Variants in LRP6 observed in about 807,000 individuals in gnomAD.
LRP6 encodes low-density lipoprotein receptor-related protein 6.
A neutral mutation model predicts 184.1 loss-of-function variants in LRP6; 43 were observed. The ratio of observed to expected loss-of-function variants is 0.23; its 90% CI spans 0.18 to 0.30. The LOEUF (loss-of-function observed/expected upper bound fraction) is 0.30. Ranked by LOEUF, LRP6 falls within the 10% of genes least tolerant of loss-of-function variation. LRP6 has a pLI of 1.00. For missense variants in LRP6, 1,571 were observed against 2,005.3 expected (o/e 0.78, Z 4.14); for synonymous variants, 719 against 684.9 (o/e 1.05, Z -0.78).
At chr12:12,167,648 A>AC (rs1862922818) in intron 7 of LRP6, among the ~76,000 whole-genome samples, 1 of 152,074 alleles carries the variant, frequency 6.6e-6, no homozygotes, top group South Asian at 2.1e-4. Flanking sequence ...TCTCAAAAAA[A>AC]AAAAAAGGGA....
At chr12:12,138,567 T>C in intron 15 of LRP6, 33 bp from the exon 16 acceptor site, 1 of 1,549,224 alleles carries the variant, frequency 6.5e-7, no homozygotes, top group Non-Finnish European at 8.9e-7. Flanking sequence ...CAGAAATGAC[T>C]CATGTGGGTC....
At chr12:12,184,220 T>A in intron 4 of LRP6, 109 bp from the exon 5 acceptor site, 2 of 860,390 alleles carry the variant, frequency 2.3e-6, no homozygotes, top group Non-Finnish European at 3.9e-6. Context: ...CCAAATGTCA[T>A]GCAGGTGCTT....
rs1862697841 is a variant in LRP6 at position 12,159,870 on chromosome 12, G to A, written c.2374C>T (p.Arg792Trp). 1 of 1,614,020 alleles carries A rather than the reference G, an allele frequency of 6.2e-7. No individual in the cohort carries two copies. Among genetic ancestry groups the A allele is most frequent in the Non-Finnish European group, 8.5e-7 (1 of 1,179,934 alleles). Residue 792 changes from arginine (R) to tryptophan (W), a missense_variant, in exon 11 of 23, where the codon CGG becomes TGG. Around this residue, in one of 4 missense-constraint regions of LRP6, gnomAD observed 158 missense variants for 258.4 expected, o/e 0.61. Coordinates refer to ENST00000261349, the MANE Select transcript of LRP6 (RefSeq NM_002336.3). ...ERTTLVPNVGRANGLTIDYAK... is the reference protein window; with the variant it reads ...ERTTLVPNVGWANGLTIDYAK... ...TAATCAATAGTTAGGCCGTTTGCCC[G>A]CCCCACATTTGGAACTAAGGTAGTA...
Position 12,121,095 on chromosome 12 carries a change from T to C in LRP6, c.*31A>G, listed in dbSNP as rs773548851. The C allele has an allele frequency of 3.2e-6, 5 of 1,553,928 alleles. No homozygotes were observed. Among genetic ancestry groups the C allele is most frequent in the Admixed American group, 1.9e-5 (1 of 51,638 alleles). Reference sequence around the variant, plus strand: ...CCAAATTTATATTTACATTTTTACGTTGGAGGCAGTCAGAGGAGGAGGGCC... The same window carrying C: ...CCAAATTTATATTTACATTTTTACGCTGGAGGCAGTCAGAGGAGGAGGGCC... On this transcript the variant is annotated 3_prime_UTR_variant, in exon 23 of 23. Coordinates refer to ENST00000261349, the MANE Select transcript of LRP6 (RefSeq NM_002336.3).
rs199645128 is a variant in LRP6 at position 12,121,365 on chromosome 12, C to G, written c.4603G>C (p.Asp1535His). Reference sequence around the variant, plus strand: ...GGAGCATAGTCACTGTCACAAACATCTGTGCTGCAGGGTGTGGTGGGGGGT... The same window carrying G: ...GGAGCATAGTCACTGTCACAAACATGTGTGCTGCAGGGTGTGGTGGGGGGT... Reference protein sequence around the residue: ...FAPPTTPCSTDVCDSDYAPSR... With the variant: ...FAPPTTPCSTHVCDSDYAPSR... Residue 1535 changes from aspartate to histidine, a missense_variant, in exon 23 of 23, where the codon GAT becomes CAT. Around this residue, in one of 4 missense-constraint regions of LRP6, gnomAD observed 763 missense variants for 859.5 expected, o/e 0.89. Transcript: ENST00000261349. 19 of 1,613,984 alleles carry G rather than the reference C, an allele frequency of 1.2e-5. No homozygotes were observed. Among genetic ancestry groups the G allele is most frequent in the Non-Finnish European group, 1.6e-5 (19 of 1,180,040 alleles).
At chr12:12,240,957 T>A (rs1395713359) in intron 2 of LRP6, among the ~76,000 whole-genome samples, 3 of 152,198 alleles carry the variant, frequency 2.0e-5, no homozygotes, top group Non-Finnish European at 2.9e-5. Flanking sequence ...TAGTCTGAAC[T>A]GTATACTGCT....
intron 15 of LRP6, among the ~76,000 whole-genome samples, chr12:12,145,142 C>T (rs1273168484): frequency 2.0e-5 from 3 of 151,030 alleles, no homozygotes; most frequent in African/African-American, 7.3e-5. Context: ...AACAATTATT[C>T]AAAAGACATA....
chr12:12,253,757 T>C (rs2135934544), intron 1 of LRP6, among the ~76,000 whole-genome samples: 2 of 152,284 alleles, frequency 1.3e-5, no homozygotes, highest in East Asian at 3.9e-4. Context: ...TTAAGTATTT[T>C]GTCATCTACA....
In LRP6 at chr12:12,119,145, T is replaced by C. The variant is rs1591854515; in HGVS notation, c.*1981A>G. ...TTCTGATAGATTTACCATTTGCTTATATGCAAAATCAAGTGCACCTGATTC... is the reference window on the plus strand; with the variant it reads ...TTCTGATAGATTTACCATTTGCTTACATGCAAAATCAAGTGCACCTGATTC... On this transcript the variant is annotated 3_prime_UTR_variant, in exon 23 of 23. Coordinates refer to ENST00000261349, the MANE Select transcript of LRP6 (RefSeq NM_002336.3). 6.6e-6 allele frequency: 1 copy of C among 152,348 alleles called. No individual in the cohort carries two copies. The highest frequency in any genetic ancestry group is 1.9e-4 in the East Asian group (1 of 5,190). 9.4% of individuals were successfully genotyped at this position (152,348 alleles called of 1,614,324 possible).
At chr12:12,148,775 G>A (rs139495054) in intron 14 of LRP6, among the ~76,000 whole-genome samples, 167 bp downstream of exon 14, 1 of 152,170 alleles carries the variant, frequency 6.6e-6, no homozygotes, top group Non-Finnish European at 1.5e-5. Flanking sequence ...TGAAATCAGA[G>A]AAAGTGTAAG....
chr12:12,143,023 C>T (rs1220162615), intron 15 of LRP6, among the ~76,000 whole-genome samples: 3 of 151,978 alleles, frequency 2.0e-5, no homozygotes, highest in African/African-American at 7.2e-5. Context: ...GATTCTATAA[C>T]ATAAAAAATC....
In LRP6 at chr12:12,118,360, C is replaced by T. The variant is rs946136879; in HGVS notation, c.*2766G>A. On this transcript the variant is annotated 3_prime_UTR_variant, in exon 23 of 23. Transcript: ENST00000261349. The stretch of plus-strand genomic sequence containing the variant: ...ATGCAGAATAGCTTACTGTGGTGCA[C>T]ACAAAGTATGTTATGCTCAAGTTTA... 23 of 152,176 alleles carry T rather than the reference C, an allele frequency of 1.5e-4. No individual in the cohort carries two copies. Among genetic ancestry groups the T allele is most frequent in the African/African-American group, 5.6e-4 (23 of 41,438 alleles). 9.4% of individuals were successfully genotyped at this position (152,176 alleles called of 1,614,324 possible).
At chr12:12,150,600 A>G (rs1434829849) in intron 13 of LRP6, among the ~76,000 whole-genome samples, 1 of 152,222 alleles carries the variant, frequency 6.6e-6, no homozygotes, top group Non-Finnish European at 1.5e-5. Flanking sequence ...TCACAAAGCC[A>G]TTACCAACAC....
intron 4 of LRP6, among the ~76,000 whole-genome samples, chr12:12,184,409 C>CAAA (rs72347600): frequency 2.6e-4 from 40 of 151,732 alleles, no homozygotes; most frequent in Non-Finnish European, 5.0e-4. Flanking sequence ...AACAAACAAA[C>CAAA]AAAACCAATA....
intron 13 of LRP6, 64 bp from the exon 14 acceptor site, chr12:12,149,217 G>T: frequency 1.6e-6 from 2 of 1,262,860 alleles, no homozygotes; most frequent in Non-Finnish European, 2.3e-6. Flanking sequence ...GAGGCAATCA[G>T]TCACAATGCT....
chr12:12,176,320 C>T (rs1420466059), intron 7 of LRP6, among the ~76,000 whole-genome samples: 3 of 152,238 alleles, frequency 2.0e-5, no homozygotes, highest in South Asian at 4.1e-4. Flanking sequence ...TAGCAGGCAC[C>T]TTTTAAATTT....
intron 13 of LRP6, among the ~76,000 whole-genome samples, chr12:12,149,672 CAATT>C (rs768996821): frequency 3.3e-5 from 5 of 152,184 alleles, no homozygotes; most frequent in Non-Finnish European, 7.3e-5. Flanking sequence ...CCACAACAAA[CAATT>C]AATCCAGCCC....
At chr12:12,128,783 T>C (rs1023437621) in intron 19 of LRP6, among the ~76,000 whole-genome samples, 1 of 152,230 alleles carries the variant, frequency 6.6e-6, no homozygotes, top group Admixed American at 6.5e-5. Flanking sequence ...TCCTGCTATA[T>C]ATCCCATTTA....
At chr12:12,225,472 T>C (rs1864597677) in intron 2 of LRP6, among the ~76,000 whole-genome samples, 1 of 152,054 alleles carries the variant, frequency 6.6e-6, no homozygotes, top group East Asian at 1.9e-4. Flanking sequence ...AAAACCTAAA[T>C]TGCGATTGAT....
Sources: gnomAD v4.1 joint callset for allele counts (sites outside exome capture counted in the v4.1 genomes callset) on GRCh38, gnomAD v4.1.1 for gene constraint, gnomAD v4.1.1 regional missense constraint, MANE v1.5 for transcripts, NCBI Gene and HGNC (gene_info 2026-07-23, HGNC 2026-07-21) for gene names.